The following SCAMP1 variants were observed in gnomAD, a reference collection of about 807,000 sequenced individuals.
SCAMP1 encodes the protein secretory carrier membrane protein 1.
In SCAMP1, 15 loss-of-function variants were observed where a neutral mutation model predicts 41.8. The observed-to-expected ratio is 0.36, with a 90% CI of 0.24 to 0.55. The LOEUF (loss-of-function observed/expected upper bound fraction) is 0.55. Ranked by LOEUF, SCAMP1 falls within the 20% of genes least tolerant of loss-of-function variation. The pLI is 0.86. For synonymous variants in SCAMP1, 135 were observed against 136.8 expected, an observed-to-expected ratio of 0.99 and a Z score of 0.09; for missense variants, 341 against 412.6, an observed-to-expected ratio of 0.83 and a Z score of 1.50.
intron 1 of SCAMP1, among the ~76,000 whole-genome samples, chr5:78,373,194 C>A (rs938353014): frequency 1.4e-4 from 21 of 152,048 alleles, no homozygotes; most frequent in Non-Finnish European, 1.9e-4. Context: ...GAAATGTTTG[C>A]CTGCAGTATG....
chr5:78,384,963 C>T (rs998150022), intron 1 of SCAMP1, among the ~76,000 whole-genome samples: 2 of 152,076 alleles, frequency 1.3e-5, no homozygotes, highest in Non-Finnish European at 2.9e-5. Context: ...ATACTGGCTT[C>T]ATAGAATGAT....
At chr5:78,427,260 T>C (rs1257420748) in intron 6 of SCAMP1, among the ~76,000 whole-genome samples, 1 of 152,120 alleles carries the variant, frequency 6.6e-6, no homozygotes, top group South Asian at 2.1e-4. Flanking sequence ...AGAGGTGCCA[T>C]GCTCTTTTTA....
At chr5:78,381,693 A>G (rs188531889) in intron 1 of SCAMP1, among the ~76,000 whole-genome samples, 2 of 152,354 alleles carry the variant, frequency 1.3e-5, no homozygotes, top group African/African-American at 2.4e-5. Flanking sequence ...GAGCAAGACT[A>G]AAGCCTTTAT....
chr5:78,396,150 C>T (rs1751644352), intron 2 of SCAMP1, among the ~76,000 whole-genome samples: 2 of 152,192 alleles, frequency 1.3e-5, no homozygotes, highest in African/African-American at 4.8e-5. Flanking sequence ...GACAGAACTA[C>T]TCTATATGAT....
intron 2 of SCAMP1, 89 bp from the exon 3 acceptor site, chr5:78,415,431 A>T: frequency 1.3e-6 from 1 of 765,274 alleles, no homozygotes; most frequent in Non-Finnish European, 2.2e-6. Flanking sequence ...AGATTTTGGG[A>T]TTTTTCATTT....
chr5:78,394,865 C>G (rs1417074360), intron 2 of SCAMP1, among the ~76,000 whole-genome samples: 2 of 152,212 alleles, frequency 1.3e-5, no homozygotes, highest in African/African-American at 4.8e-5. Context: ...TTTCCTACAT[C>G]TAATCAGTTG....
chr5:78,464,584 C>A (rs1169262197), intron 8 of SCAMP1, among the ~76,000 whole-genome samples: 1 of 152,106 alleles, frequency 6.6e-6, no homozygotes, highest in Non-Finnish European at 1.5e-5. Flanking sequence ...CTTAAAAAAA[C>A]CCCAACAAAT....
chr5:78,420,706 TA>T (rs554571623), intron 5 of SCAMP1, among the ~76,000 whole-genome samples: 4 of 151,064 alleles, frequency 2.6e-5, no homozygotes, highest in South Asian at 2.1e-4. Context: ...GAGCTCTTTT[TA>T]AAAAAAAACA....
chr5:78,472,691 C>G (rs1400597266), intron 8 of SCAMP1, among the ~76,000 whole-genome samples: 1 of 152,076 alleles, frequency 6.6e-6, no homozygotes, highest in Non-Finnish European at 1.5e-5. Flanking sequence ...TATATAGATA[C>G]AAACTATTGA....
chr5:78,404,115 CAAAAAAA>C (rs34209617), intron 2 of SCAMP1, among the ~76,000 whole-genome samples: 1 of 124,538 alleles, frequency 8.0e-6, no homozygotes, highest in African/African-American at 3.1e-5. Context: ...GACCCTGTCT[CAAAAAAA>C]AAAAAAAAAA....
At chr5:78,465,147 A>T (rs16875428) in intron 8 of SCAMP1, among the ~76,000 whole-genome samples, 8,204 of 152,130 alleles carry the variant, frequency 0.054, 429 homozygotes, top group East Asian at 0.3. Context: ...TCTTGGGGAA[A>T]CTTAACTGTC....
Position 78,461,406 on chromosome 5 carries a change from A to G in SCAMP1, c.852+2044A>G, listed in dbSNP as rs530997328. The stretch of plus-strand genomic sequence containing the variant: ...TCTTCTGCATGTGGCTAGCCAGTTT[A>G]CCCAGCACCATTTATTGAATAGGGT... On this transcript the variant is annotated intron_variant, in intron 8 of 8. Transcript: ENST00000621999. Among the ~76,000 whole-genome samples the G allele has an allele frequency of 1.9e-3, 295 of 152,192 alleles. 1 individual carries two copies. The highest frequency in any genetic ancestry group is 3.5e-3 in the Non-Finnish European group (239 of 67,994).
intron 2 of SCAMP1, among the ~76,000 whole-genome samples, chr5:78,404,039 T>C (rs1294048489): frequency 2.1e-5 from 3 of 144,184 alleles, no homozygotes; most frequent in African/African-American, 5.1e-5. Context: ...TTGCTTGAGC[T>C]CAGGAGTTTG....
intron 1 of SCAMP1, among the ~76,000 whole-genome samples, chr5:78,366,255 T>C (rs538461339): frequency 7.8e-4 from 118 of 150,462 alleles, no homozygotes; most frequent in African/African-American, 2.8e-3. Flanking sequence ...GCGATTCCCC[T>C]ACCTCAGCCT....
Position 78,459,662 on chromosome 5 carries a change from T to G in SCAMP1, c.852+300T>G, listed in dbSNP as rs766431127. Among the ~76,000 whole-genome samples, 100 of 152,154 alleles carry G rather than the reference T, an allele frequency of 6.6e-4. 1 individual carries two copies. Among genetic ancestry groups the G allele is most frequent in the Non-Finnish European group, 1.8e-4 (12 of 68,006 alleles). On this transcript the variant is annotated intron_variant, in intron 8 of 8. Transcript: ENST00000621999. ...ATTTTTAAATATACTCTAAATTTCT[T>G]TTTTTTGATATGAAGGATATTAGCC...
intron 1 of SCAMP1, among the ~76,000 whole-genome samples, chr5:78,362,367 C>G (rs998604349): frequency 3.9e-5 from 6 of 152,166 alleles, no homozygotes; most frequent in Non-Finnish European, 8.8e-5. Flanking sequence ...TTAACTGGCT[C>G]TCTTGTTAGG....
At chr5:78,366,920 CAA>C (rs70998000) in intron 1 of SCAMP1, among the ~76,000 whole-genome samples, 59 of 111,514 alleles carry the variant, frequency 5.3e-4, no homozygotes, top group East Asian at 7.5e-4. Flanking sequence ...GACCCTGTCT[CAA>C]AAAAAAAAAA....
chr5:78,435,885 CTGT>C (rs1752740506), intron 6 of SCAMP1, among the ~76,000 whole-genome samples: 1 of 152,214 alleles, frequency 6.6e-6, no homozygotes, highest in Admixed American at 6.5e-5. Flanking sequence ...TCTCCAGCAT[CTGT>C]TGTTTCCTGA....
intron 1 of SCAMP1, among the ~76,000 whole-genome samples, chr5:78,366,920 C>CAAA (rs70998000): frequency 3.6e-5 from 4 of 111,506 alleles, no homozygotes; most frequent in Admixed American, 1.7e-4. Flanking sequence ...GACCCTGTCT[C>CAAA]AAAAAAAAAA....
Sources: gnomAD v4.1 joint callset for allele counts (sites outside exome capture counted in the v4.1 genomes callset) on GRCh38, gnomAD v4.1.1 for gene constraint, MANE v1.5 for transcripts, NCBI Gene and HGNC (gene_info 2026-07-23, HGNC 2026-07-21) for gene names.